Variants in EFR3B observed in about 807,000 individuals in gnomAD.
EFR3B encodes the protein protein EFR3 homolog B.
In EFR3B, 64 loss-of-function variants were observed where a neutral mutation model predicts 104.7. That is an observed-to-expected ratio of 0.61 (90% CI 0.50 to 0.75). The LOEUF is 0.75. Ranked by LOEUF, EFR3B falls within the 30% of genes least tolerant of loss-of-function variation. The pLI is 0.00. For synonymous variants in EFR3B, 385 were observed against 417.9 expected, an observed-to-expected ratio of 0.92 and a Z score of 0.96; for missense variants, 750 against 1,078.5, an observed-to-expected ratio of 0.70 and a Z score of 4.27.
chr2:25,154,126 G>T lies in EFR3B; in HGVS notation c.2349-109G>T. On this transcript the variant is annotated intron_variant, in intron 22 of 22. Coordinates refer to ENST00000403714, the MANE Select transcript of EFR3B (RefSeq NM_014971.2). The surrounding 1 kb of genome is among the most constrained non-coding windows in gnomAD (Gnocchi z 4.1). ...AACCTGTGGAATGAAGGGGTCTCTG[G>T]TGCCTGTGCAAAAAGAAACCCAAGT... 2.2e-6 allele frequency: 2 copies of T among 920,408 alleles called. No individual in the cohort carries two copies. The highest frequency in any genetic ancestry group is 3.3e-6 in the Non-Finnish European group (2 of 599,398). 57.0% of individuals were successfully genotyped at this position (920,408 alleles called of 1,614,324 possible). A position where few individuals can be genotyped will look rare whatever the true frequency, so the allele number is the denominator to read the frequency against.
chr2:25,058,120 T>G (rs1668075402), intron 1 of EFR3B: 1 of 152,194 alleles, frequency 6.6e-6, no homozygotes, highest in African/African-American at 2.4e-5. Flanking sequence ...TGGGCTGTAG[T>G]TCACTATGCC....
intron 5 of EFR3B, among the ~76,000 whole-genome samples, chr2:25,127,115 C>G (rs1165500019): frequency 6.7e-6 from 1 of 150,060 alleles, no homozygotes; most frequent in East Asian, 2.0e-4. Context: ...TTGCTTGAAC[C>G]CGGGAGGCAG....
chr2:25,057,656 C>T (rs2149167174), intron 1 of EFR3B, among the ~76,000 whole-genome samples: 1 of 152,182 alleles, frequency 6.6e-6, no homozygotes, highest in Non-Finnish European at 1.5e-5. Flanking sequence ...GTGGCACATG[C>T]CTGTAATCCC....
intron 11 of EFR3B, 133 bp downstream of exon 11, chr2:25,133,147 C>T (rs1670419850): frequency 1.1e-6 from 1 of 933,688 alleles, no homozygotes; most frequent in Admixed American, 2.3e-5. Context: ...CCTCAGCAGC[C>T]TTTAATGGGG....
In EFR3B at chr2:25,091,877, C is replaced by T. The variant is rs61506694; in HGVS notation, c.84+476C>T. On this transcript the variant is annotated intron_variant, in intron 2 of 22. Transcript: ENST00000403714. ...CACACACAGGGCCTGGCCTCCAAGC[C>T]GCCTCTCCACCTGTCAGGCTGCTTT... is the stretch of plus-strand genomic sequence containing the variant. Among the ~76,000 whole-genome samples the T allele has an allele frequency of 0.015, 2,260 of 152,132 alleles. 164 individuals carry two copies. The East Asian group carries it at 0.24, about 16-fold the overall frequency.
At chr2:25,129,865 T>C (rs1449600309) in intron 6 of EFR3B, 110 bp from the exon 7 acceptor site, 5 of 1,424,824 alleles carry the variant, frequency 3.5e-6, no homozygotes, top group African/African-American at 1.4e-5. Context: ...GTGCAACCCA[T>C]GTCAAATTCC....
chr2:25,068,600 G>A (rs192687397), intron 1 of EFR3B, among the ~76,000 whole-genome samples: 1 of 151,792 alleles, frequency 6.6e-6, no homozygotes, highest in East Asian at 1.9e-4. Flanking sequence ...TTCACCGTAT[G>A]ATCTGTGCTG....
intron 3 of EFR3B, among the ~76,000 whole-genome samples, chr2:25,094,693 G>A (rs1174646023): frequency 6.6e-6 from 1 of 152,174 alleles, no homozygotes; most frequent in African/African-American, 2.4e-5. Context: ...TTGAAATAAT[G>A]TGTCAAGAGC....
intron 1 of EFR3B, among the ~76,000 whole-genome samples, chr2:25,049,881 G>A (rs749636298): frequency 2.2e-4 from 34 of 151,122 alleles, no homozygotes; most frequent in Non-Finnish European, 4.6e-4. Context: ...TTGGAAGGCC[G>A]AGGTGGGTGG....
Position 25,091,368 on chromosome 2 carries a change from G to A in EFR3B, c.51G>A (p.Arg17=). 6.5e-7 allele frequency: 1 copy of A among 1,550,000 alleles called. No homozygotes were observed. Among genetic ancestry groups the A allele is most frequent in the South Asian group, 1.2e-5 (1 of 83,902 alleles). Residue 17 remains arginine (R), a synonymous_variant, in exon 2 of 23, where the codon AGG becomes AGA. Coordinates refer to ENST00000403714, the MANE Select transcript of EFR3B (RefSeq NM_014971.2). Reference sequence around the variant, plus strand: ...GTGCCCTACGCCCCAGGTACAAAAGGCTGGTTGACAACATCTTCCCTGAGG... The same window carrying A: ...GTGCCCTACGCCCCAGGTACAAAAGACTGGTTGACAACATCTTCCCTGAGG... ...CCGALRPRYK[R]LVDNIFPEDP...
intron 1 of EFR3B, chr2:25,080,100 A>G (rs895493591): frequency 4.1e-6 from 4 of 976,082 alleles, no homozygotes; most frequent in Non-Finnish European, 5.0e-6. Flanking sequence ...CAATTTCCAC[A>G]TCTTTTACTG....
At chr2:25,110,483 T>C (rs1669694387) in intron 4 of EFR3B, among the ~76,000 whole-genome samples, 2 of 152,132 alleles carry the variant, frequency 1.3e-5, no homozygotes. Context: ...ACTCAGGAAA[T>C]GGGGGCTGTC....
intron 17 of EFR3B, 129 bp downstream of exon 17, chr2:25,141,562 G>C (rs1408695728): frequency 2.1e-6 from 2 of 939,452 alleles, no homozygotes; most frequent in African/African-American, 3.4e-5. Flanking sequence ...CAGAAGGTGG[G>C]CTCTGCCTGT....
At chr2:25,142,418 C>T (rs1283048287) in intron 17 of EFR3B, among the ~76,000 whole-genome samples, 1 of 149,594 alleles carries the variant, frequency 6.7e-6, no homozygotes, top group Non-Finnish European at 1.5e-5. Context: ...CACTGCACTC[C>T]AGCCTGGGCA....
At chr2:25,081,409 T>C in intron 1 of EFR3B, 1 of 1,227,562 alleles carries the variant, frequency 8.1e-7, no homozygotes, top group African/African-American at 1.5e-5. Context: ...GTTATTTCTT[T>C]CTTCTGTACC....
intron 17 of EFR3B, 67 bp downstream of exon 17, chr2:25,141,500 G>A: frequency 2.0e-6 from 3 of 1,507,430 alleles, no homozygotes; most frequent in Non-Finnish European, 2.7e-6. Context: ...TGGGTGGTCT[G>A]AGGTCAGGAG....
In EFR3B at chr2:25,150,846, G is replaced by A. The variant is rs1004855505; in HGVS notation, c.2192-1068G>A. Among the ~76,000 whole-genome samples, 24 of 151,904 alleles carry A rather than the reference G, an allele frequency of 1.6e-4. 1 individual carries two copies. Among genetic ancestry groups the A allele is most frequent in the Non-Finnish European group, 4.4e-5 (3 of 67,994 alleles). ...GGCTGGTCTCGAACTCCTGACCTTA[G>A]GCAGTCAGCCCTCCTCAGCCTCCCA... On this transcript the variant is annotated intron_variant, in intron 20 of 22. Transcript: ENST00000403714.
chr2:25,079,213 T>A (rs944110842), intron 1 of EFR3B, among the ~76,000 whole-genome samples: 1 of 152,174 alleles, frequency 6.6e-6, no homozygotes, highest in African/African-American at 2.4e-5. Flanking sequence ...ATATTTGCCT[T>A]AGAGCTACAT....
intron 12 of EFR3B, among the ~76,000 whole-genome samples, chr2:25,133,668 G>C (rs1173688933): frequency 6.6e-6 from 1 of 152,206 alleles, no homozygotes; most frequent in Non-Finnish European, 1.5e-5. Context: ...TTTCACAAAG[G>C]TTCCTTATTG....
Sources: allele counts gnomAD v4.1 joint callset (sites outside exome capture counted in the v4.1 genomes callset), GRCh38; gene constraint gnomAD v4.1.1; non-coding constraint Gnocchi (gnomAD v3.1); transcripts MANE v1.5; gene names NCBI Gene and HGNC (gene_info 2026-07-23, HGNC 2026-07-21).